MNAT1: variants seen among roughly 807,000 people sequenced by gnomAD.
MNAT1 encodes the protein MNAT1 component of CDK activating kinase.
A neutral mutation model predicts 42.0 loss-of-function variants in MNAT1; 43 were observed. The observed-to-expected ratio is 1.02, with a 90% confidence interval of 0.80 to 1.32. The LOEUF (loss-of-function observed/expected upper bound fraction) is 1.32. Among genes scored for constraint, MNAT1 ranks in the 40% most tolerant of loss-of-function variants. The pLI is 0.00. For synonymous variants in MNAT1, 118 were observed against 120.0 expected, an observed-to-expected ratio of 0.98 and a Z score of 0.11; for missense variants, 306 against 350.4, an observed-to-expected ratio of 0.87 and a Z score of 1.01.
At position 60,871,771 on chromosome 14, in the gene MNAT1, G is replaced by A. The variant is rs558187578; in HGVS notation, c.688-7943G>A. Among the ~76,000 whole-genome samples the A allele has an allele frequency of 5.9e-5, 9 of 151,554 alleles. No homozygotes were observed. In the East Asian group the frequency reaches 7.8e-4, roughly 13 times the overall value. The stretch of plus-strand genomic sequence containing the variant: ...CCGAGTAGCTGGGATTACAGGCGCC[G>A]GCTACCACGCCCAGCTAATTTTTTT... On this transcript the variant is annotated intron_variant, in intron 6 of 7. Coordinates refer to ENST00000261245, the MANE Select transcript of MNAT1 (RefSeq NM_002431.4).
chr14:60,735,289 T>C (rs899449416), intron 1 of MNAT1, among the ~76,000 whole-genome samples: 5 of 152,180 alleles, frequency 3.3e-5, no homozygotes. Context: ...GATTGGAGTG[T>C]TTATTTCATA....
intron 6 of MNAT1, among the ~76,000 whole-genome samples, chr14:60,849,835 T>G (rs1218410852): frequency 6.6e-6 from 1 of 152,042 alleles, no homozygotes; most frequent in Non-Finnish European, 1.5e-5. Context: ...ATCCTTAGTT[T>G]CTTTCTTTCT....
chr14:60,850,051 G>C (rs1566793576), intron 6 of MNAT1, among the ~76,000 whole-genome samples: 1 of 151,950 alleles, frequency 6.6e-6, no homozygotes. Flanking sequence ...TGACCATGCT[G>C]GTATCAAACT....
intron 6 of MNAT1, among the ~76,000 whole-genome samples, chr14:60,857,533 G>C (rs924067283): frequency 2.6e-5 from 4 of 152,018 alleles, no homozygotes; most frequent in Admixed American, 6.6e-5. Context: ...TACAACAAAG[G>C]GTTTAGAATA....
At chr14:60,953,955 C>G (rs1054913813) in intron 7 of MNAT1, among the ~76,000 whole-genome samples, 1 of 151,948 alleles carries the variant, frequency 6.6e-6, no homozygotes, top group African/African-American at 2.4e-5. Context: ...AGTCATTTGC[C>G]CATTTTTTAA....
chr14:60,954,100 C>G (rs137872322), intron 7 of MNAT1, among the ~76,000 whole-genome samples: 1 of 152,042 alleles, frequency 6.6e-6, no homozygotes, highest in East Asian at 1.9e-4. Flanking sequence ...GTTTTGATTA[C>G]TTTAGCTTTG....
intron 6 of MNAT1, among the ~76,000 whole-genome samples, chr14:60,870,414 T>C (rs2034302813): frequency 6.6e-6 from 1 of 152,168 alleles, no homozygotes; most frequent in Non-Finnish European, 1.5e-5. Context: ...CCTTATTTCT[T>C]TATCAATTAT....
chr14:60,905,433 A>G (rs1359572522), intron 7 of MNAT1, among the ~76,000 whole-genome samples: 3 of 152,226 alleles, frequency 2.0e-5, no homozygotes, highest in African/African-American at 4.8e-5. Flanking sequence ...GAAAGAATCA[A>G]TAGGACATTT....
At chr14:60,911,048 C>G (rs1409757477) in intron 7 of MNAT1, among the ~76,000 whole-genome samples, 1 of 152,214 alleles carries the variant, frequency 6.6e-6, no homozygotes, top group Middle Eastern at 3.4e-3. Context: ...CTGGTTTAGT[C>G]TTGGGAGGGT....
intron 7 of MNAT1, among the ~76,000 whole-genome samples, chr14:60,925,410 G>A: frequency 6.6e-6 from 1 of 152,060 alleles, no homozygotes; most frequent in East Asian, 1.9e-4. Context: ...GACTGTATAT[G>A]GAAACAAAAA....
At chr14:60,864,044 T>C in intron 6 of MNAT1, among the ~76,000 whole-genome samples, 1 of 151,994 alleles carries the variant, frequency 6.6e-6, no homozygotes, top group Admixed American at 6.6e-5. Context: ...TTGCTTGTTA[T>C]AAAAACAAGA....
rs371916214 is a variant in MNAT1 at position 60,787,620 on chromosome 14, G to A, written c.90-8597G>A. Among the ~76,000 whole-genome samples the A allele has an allele frequency of 9.9e-5, 15 of 152,192 alleles. No individual in the cohort carries two copies. In the East Asian group the frequency reaches 1.2e-3, roughly 12 times the overall value. On this transcript the variant is annotated intron_variant, in intron 1 of 7. Transcript: ENST00000261245. ...ACATTTACTTACTGGAAAATTCCTCGCAAAATTGGAATCAATTCTCAAACC... is the reference window on the plus strand; with the variant it reads ...ACATTTACTTACTGGAAAATTCCTCACAAAATTGGAATCAATTCTCAAACC...
In MNAT1 at chr14:60,734,762, A is replaced by G. The variant is rs1420861131; in HGVS notation, c.-101A>G. 7.8e-6 allele frequency: 8 copies of G among 1,029,478 alleles called. No homozygotes were observed. The allele number at this position is 1,029,478 out of a possible 1,614,324, so 63.8% of individuals were successfully genotyped here. A position where few individuals can be genotyped will look rare whatever the true frequency, so the allele number is the denominator to read the frequency against. Reference sequence around the variant, plus strand: ...TTTCGCGAAGGGACCGTCTCTGCCAAGCGCCTGTTGGTAGGAACCTGCTTG... The same window carrying G: ...TTTCGCGAAGGGACCGTCTCTGCCAGGCGCCTGTTGGTAGGAACCTGCTTG... On this transcript the variant is annotated 5_prime_UTR_variant, in exon 1 of 8. Transcript: ENST00000261245. This position sits in a 1 kb window ranked among gnomAD's most constrained non-coding sequence, Gnocchi z 4.3.
At chr14:60,956,639 C>T (rs2036492292) in intron 7 of MNAT1, among the ~76,000 whole-genome samples, 1 of 152,136 alleles carries the variant, frequency 6.6e-6, no homozygotes, top group African/African-American at 2.4e-5. Flanking sequence ...CTATTTCTCC[C>T]TTTAGATCTG....
chr14:60,776,828 T>TG (rs1243995460), intron 1 of MNAT1, among the ~76,000 whole-genome samples: 2 of 152,114 alleles, frequency 1.3e-5, no homozygotes, highest in African/African-American at 2.4e-5. Context: ...TGTGGTTTTT[T>TG]TTGTTGTTGT....
chr14:60,815,091 A>G (rs2032669067), intron 5 of MNAT1, among the ~76,000 whole-genome samples: 1 of 152,186 alleles, frequency 6.6e-6, no homozygotes, highest in Non-Finnish European at 1.5e-5. Flanking sequence ...AATTGAATTA[A>G]TCCCAAATAT....
At chr14:60,796,426 A>G in intron 2 of MNAT1, 57 bp downstream of exon 2, 1 of 1,456,162 alleles carries the variant, frequency 6.9e-7, no homozygotes, top group Non-Finnish European at 9.4e-7. Context: ...CAATTATGTC[A>G]GTAATTGATT....
chr14:60,861,148 A>G (rs1375127027), intron 6 of MNAT1, among the ~76,000 whole-genome samples: 2 of 152,170 alleles, frequency 1.3e-5, no homozygotes, highest in Non-Finnish European at 2.9e-5. Context: ...GTTGGTTAGT[A>G]ATTTCCATGC....
rs375973580 is a variant in MNAT1, at chr14:60,917,621, G to T, written c.809+37786G>T. On this transcript the variant is annotated intron_variant, in intron 7 of 7. Coordinates refer to ENST00000261245, the MANE Select transcript of MNAT1 (RefSeq NM_002431.4). ...TAGATTTGAGTTTTGTTTTTTTTTT[G>T]TTTCTTTTTTGTTTTTTTTTTTATG... Among the ~76,000 whole-genome samples, 165 of 144,458 alleles carry T rather than the reference G, an allele frequency of 1.1e-3. No individual in the cohort carries two copies. The East Asian group carries it at 0.023, about 20-fold the overall frequency. 94.8% of individuals were successfully genotyped at this position (144,458 alleles called of 152,430 possible).
Sources: gnomAD v4.1 joint callset for allele counts (sites outside exome capture counted in the v4.1 genomes callset) on GRCh38, gnomAD v4.1.1 for gene constraint, Gnocchi (gnomAD v3.1) non-coding constraint, MANE v1.5 for transcripts, NCBI Gene and HGNC (gene_info 2026-07-23, HGNC 2026-07-21) for gene names.